MARVELD2: variants seen among roughly 807,000 people sequenced by gnomAD.
The protein encoded by MARVELD2 is MARVEL domain containing 2.
Under a neutral mutation model 57.6 loss-of-function variants are expected in MARVELD2, and 49 were observed. That is an observed-to-expected ratio of 0.85 (90% CI 0.68 to 1.08). The LOEUF is 1.08. Ranked by LOEUF, MARVELD2 falls within the 50% of genes least tolerant of loss-of-function variation. The probability of loss-of-function intolerance (pLI) is 0.00; values close to 1 mark genes in which losing one functional copy is unlikely to be tolerated. For synonymous variants in MARVELD2, 238 were observed against 258.8 expected, an observed-to-expected ratio of 0.92 and a Z score of 0.77; for missense variants, 606 against 701.1, an observed-to-expected ratio of 0.86 and a Z score of 1.53.
At chr5:69,425,767 C>T (rs926154420) in intron 3 of MARVELD2, among the ~76,000 whole-genome samples, 2 of 148,474 alleles carry the variant, frequency 1.3e-5, no homozygotes, top group Non-Finnish European at 3.0e-5. Context: ...GAGTCTCTGT[C>T]GCCCAGGCTG....
chr5:69,442,161 GTCA>G lies in MARVELD2; in HGVS notation c.*512_*514del, dbSNP rs1482663866. 2.0e-5 allele frequency: 3 copies of G among 152,742 alleles called. No homozygotes were observed. Among genetic ancestry groups the G allele is most frequent in the Non-Finnish European group, 2.9e-5 (2 of 68,438 alleles). 9.5% of individuals were successfully genotyped at this position (152,742 alleles called of 1,614,324 possible). ...ATATTCATCTATCTCATTTAAATGT[GTCA>G]TCATTTTAGAGATCGTATCCTGGCA... On this transcript the variant is annotated 3_prime_UTR_variant, in exon 7 of 7. Coordinates refer to ENST00000325631, the MANE Select transcript of MARVELD2 (RefSeq NM_001038603.3).
At chr5:69,440,606 T>C in intron 6 of MARVELD2, 106 bp downstream of exon 6, 1 of 691,142 alleles carries the variant, frequency 1.4e-6, no homozygotes, top group Non-Finnish European at 2.6e-6. Context: ...TTGTATTTCA[T>C]GGGATGCTCC....
At chr5:69,417,847 G>T (rs1174436428) in intron 1 of MARVELD2, among the ~76,000 whole-genome samples, 1 of 151,450 alleles carries the variant, frequency 6.6e-6, no homozygotes, top group South Asian at 2.1e-4. Context: ...GCTGAGGCAG[G>T]AGAATGGCAT....
chr5:69,419,617 G>A lies in MARVELD2; in HGVS notation c.232G>A (p.Val78Ile). 1.2e-6 allele frequency: 2 copies of A among 1,614,144 alleles called. No homozygotes were observed. The highest frequency in any genetic ancestry group is 1.7e-6 in the Non-Finnish European group (2 of 1,180,032). Residue 78 changes from valine (V) to isoleucine (I), a missense_variant, in exon 2 of 7, where the codon GTA becomes ATA. Coordinates refer to ENST00000325631, the MANE Select transcript of MARVELD2 (RefSeq NM_001038603.3). ...AGCTATAGCGCCAGATCTCAAACCA[G>A]TAAGGCGCTTTGTCCCTGACTCCTG... ...EPAIAPDLKPVRRFVPDSWKN... is the reference protein window; with the variant it reads ...EPAIAPDLKPIRRFVPDSWKN...
At chr5:69,424,517 G>C in intron 2 of MARVELD2, 84 bp from the exon 3 acceptor site, 1 of 1,114,180 alleles carries the variant, frequency 9.0e-7, no homozygotes, top group Non-Finnish European at 1.4e-6. Flanking sequence ...AATTGAGGTT[G>C]GGCTATAAAT....
chr5:69,432,853 A>G, intron 4 of MARVELD2, 69 bp from the exon 5 acceptor site: 2 of 1,590,854 alleles, frequency 1.3e-6, no homozygotes, highest in Non-Finnish European at 1.7e-6. Flanking sequence ...AAGGAATAAG[A>G]TAAGCTGATT....
chr5:69,426,591 C>T (rs1395430241), intron 3 of MARVELD2, among the ~76,000 whole-genome samples: 1 of 152,070 alleles, frequency 6.6e-6, no homozygotes, highest in African/African-American at 2.4e-5. Flanking sequence ...CCTTAGCCTC[C>T]CAAAGTGCTG....
chr5:69,420,494 C>T lies in MARVELD2; in HGVS notation c.1109C>T (p.Ala370Val), dbSNP rs567232523. The change falls in exon 2 of 7, where the codon GCA becomes GTA. Residue 370 changes from alanine to valine, a missense_variant. Ala to Val is a moderately conservative substitution (Grantham distance 64). Coordinates refer to ENST00000325631, the MANE Select transcript of MARVELD2 (RefSeq NM_001038603.3). ...TGCCTAAAGTTATGGAGGCATGAGG[C>T]AGCTCGGAGACATAGAGAATATATG... ...LVCLKLWRHEAARRHREYMEQ... is the reference protein window; with the variant it reads ...LVCLKLWRHEVARRHREYMEQ... 20 of 1,612,910 alleles carry T rather than the reference C, an allele frequency of 1.2e-5. No homozygotes were observed. In the East Asian group the frequency reaches 4.5e-4, roughly 36 times the overall value.
chr5:69,427,902 A>G (rs996527658), intron 3 of MARVELD2, among the ~76,000 whole-genome samples: 1 of 152,214 alleles, frequency 6.6e-6, no homozygotes, highest in Non-Finnish European at 1.5e-5. Flanking sequence ...TCTTGAGGCC[A>G]GGAGTTTGGG....
At position 69,436,402 on chromosome 5, in the gene MARVELD2, AACACACACACACACACAC is replaced by A. The variant is rs66984523; in HGVS notation, c.1503+3343_1503+3360del. 2.4e-3 allele frequency among the ~76,000 whole-genome samples: 299 copies of A among 123,906 alleles called. 1 individual carries two copies. Among genetic ancestry groups the A allele is most frequent in the African/African-American group, 7.2e-3 (233 of 32,450 alleles). 81.3% of individuals were successfully genotyped at this position (123,906 alleles called of 152,430 possible). On this transcript the variant is annotated intron_variant, in intron 5 of 6. Transcript: ENST00000325631. Reference sequence around the variant, plus strand: ...ACTAAATGTCAAATTTATGTATGGGAACACACACACACACACACACACACACACACACACACACACACA... The same window carrying A: ...ACTAAATGTCAAATTTATGTATGGGAACACACACACACACACACACACACA...
chr5:69,443,495 A>G lies in MARVELD2; in HGVS notation c.*1841A>G, dbSNP rs1401163770. The G allele has an allele frequency of 6.6e-6, 1 of 152,160 alleles. No individual in the cohort carries two copies. The highest frequency in any genetic ancestry group is 1.5e-5 in the Non-Finnish European group (1 of 68,010). The allele number at this position is 152,160 out of a possible 1,614,324, so 9.4% of individuals were successfully genotyped here. ...GATTCAGGTGTGAGCCACTGTGCCC[A>G]GCAGGGATGCTTCATCTTTCTAAGA... On this transcript the variant is annotated 3_prime_UTR_variant, in exon 7 of 7. Transcript: ENST00000325631.
chr5:69,427,158 G>T (rs557386657), intron 3 of MARVELD2, among the ~76,000 whole-genome samples: 2 of 152,250 alleles, frequency 1.3e-5, no homozygotes, highest in African/African-American at 4.8e-5. Flanking sequence ...ACTTTTAAAA[G>T]AAATAATAGA....
At chr5:69,437,959 T>G (rs763858979) in intron 5 of MARVELD2, among the ~76,000 whole-genome samples, 113 of 152,158 alleles carry the variant, frequency 7.4e-4, no homozygotes, top group Non-Finnish European at 1.5e-3. Context: ...TTATTATCAG[T>G]GTATCCTCCA....
At position 69,419,728 on chromosome 5, in the gene MARVELD2, T is replaced by G. The variant is rs759202556; in HGVS notation, c.343T>G (p.Cys115Gly). Residue 115 changes from cysteine (C) to glycine (G), a missense_variant, in exon 2 of 7, where the codon TGT (cysteine) becomes GGT (glycine). Cys to Gly is a radical substitution (Grantham distance 159). Coordinates refer to ENST00000325631, the MANE Select transcript of MARVELD2 (RefSeq NM_001038603.3). ...DIRYISDGVE[C>G]SPPASPARPN... Reference sequence around the variant, plus strand: ...CAGGTACATCTCCGATGGAGTGGAGTGTTCACCACCAGCCTCTCCAGCAAG... The same window carrying G: ...CAGGTACATCTCCGATGGAGTGGAGGGTTCACCACCAGCCTCTCCAGCAAG... 1 of 1,613,652 alleles carries G rather than the reference T, an allele frequency of 6.2e-7. No homozygotes were observed. The highest frequency in any genetic ancestry group is 8.5e-7 in the Non-Finnish European group (1 of 1,179,946).
At chr5:69,417,121 C>G (rs150249525) in intron 1 of MARVELD2, among the ~76,000 whole-genome samples, 37 of 152,344 alleles carry the variant, frequency 2.4e-4, no homozygotes, top group African/African-American at 8.9e-4. Flanking sequence ...GGCATTTGCG[C>G]TAGCTATTCC....
In MARVELD2 at chr5:69,420,351, C is replaced by T. The variant is rs1766585324; in HGVS notation, c.966C>T (p.Tyr322=). The change falls in exon 2 of 7, where the codon TAC becomes TAT. Residue 322 remains tyrosine (Y), a synonymous_variant. Transcript: ENST00000325631. The part of the protein sequence containing the change: ...VNDTNRGGLC[Y]YPLFNTPVNA... ...ATACCAACCGAGGTGGCCTCTGCTA[C>T]TATCCGTTATTTAATACACCAGTGA... The T allele has an allele frequency of 6.2e-7, 1 of 1,614,088 alleles. No individual in the cohort carries two copies. Among genetic ancestry groups the T allele is most frequent in the Admixed American group, 1.7e-5 (1 of 59,994 alleles).
In MARVELD2 at chr5:69,432,632, C is replaced by A; in HGVS notation, c.1288C>A (p.Pro430Thr). ...TGAACTACTGAGTGGACACATCCCC[C>A]CAGGCCACATTCCTAAACCTATCGT... ...KPELLSGHIP[P>T]GHIPKPIVMP... Residue 430 changes from proline (P) to threonine (T), a missense_variant, in exon 4 of 7, where the codon CCA becomes ACA. Pro to Thr is a conservative substitution (Grantham distance 38, BLOSUM62 -1). Coordinates refer to ENST00000325631, the MANE Select transcript of MARVELD2 (RefSeq NM_001038603.3). 6.2e-7 allele frequency: 1 copy of A among 1,614,152 alleles called. No individual in the cohort carries two copies. The highest frequency in any genetic ancestry group is 8.5e-7 in the Non-Finnish European group (1 of 1,180,018).
Position 69,444,054 on chromosome 5 carries a change from A to G in MARVELD2, c.*2400A>G, listed in dbSNP as rs1561307308. The G allele has an allele frequency of 7.0e-6, 1 of 143,184 alleles. No individual in the cohort carries two copies. Among genetic ancestry groups the G allele is most frequent in the African/African-American group, 2.5e-5 (1 of 40,030 alleles). 8.9% of individuals were successfully genotyped at this position (143,184 alleles called of 1,614,324 possible). A position where few individuals can be genotyped will look rare whatever the true frequency, so the allele number is the denominator to read the frequency against. On this transcript the variant is annotated 3_prime_UTR_variant, in exon 7 of 7. Transcript: ENST00000325631. ...ATATTACCATTTTGATAGACTGTAA[A>G]GAGTTAGATTCCTGTTGAAGTGTTA...
At chr5:69,417,800 G>A (rs537184819) in intron 1 of MARVELD2, among the ~76,000 whole-genome samples, 31 of 152,194 alleles carry the variant, frequency 2.0e-4, no homozygotes, top group South Asian at 1.7e-3. Flanking sequence ...TTAGCCGGGC[G>A]TGGTGGCGAG....
Sources: allele counts gnomAD v4.1 joint callset (sites outside exome capture counted in the v4.1 genomes callset), GRCh38; gene constraint gnomAD v4.1.1; transcripts MANE v1.5; gene names NCBI Gene and HGNC (gene_info 2026-07-23, HGNC 2026-07-21).